ZPBP: variants seen among roughly 807,000 people sequenced by gnomAD.
The protein encoded by ZPBP is zona pellucida-binding protein 1.
A neutral mutation model predicts 44.8 loss-of-function variants in ZPBP; 26 were observed. The ratio of observed to expected loss-of-function variants is 0.58; its 90% CI spans 0.43 to 0.81. ZPBP has a LOEUF of 0.81. ZPBP is among the 30% of genes least tolerant of loss of function. The pLI, the probability that ZPBP is intolerant of heterozygous loss-of-function variation, is 0.00. For synonymous variants in ZPBP, 174 were observed against 153.2 expected (o/e 1.14, Z -1.00); for missense variants, 409 against 434.0 (o/e 0.94, Z 0.51).
At chr7:49,875,367 CTCA>C (rs1258631867) in intron 2 of ZPBP, among the ~76,000 whole-genome samples, 2 of 2,586 alleles carry the variant, frequency 7.7e-4, no homozygotes, top group African/African-American at 2.9e-3. Flanking sequence ...GAGATTCTGA[CTCA>C]AAAAAAAAAA....
intron 7 of ZPBP, among the ~76,000 whole-genome samples, chr7:49,963,346 T>C (rs1795933079): frequency 6.6e-6 from 1 of 151,808 alleles, no homozygotes; most frequent in Non-Finnish European, 1.5e-5. Flanking sequence ...TTTTAACTTA[T>C]ATTTACCATA....
chr7:49,848,561 G>T (rs1790051930), downstream of ZPBP, among the ~76,000 whole-genome samples: 1 of 152,176 alleles, frequency 6.6e-6, no homozygotes, highest in Non-Finnish European at 1.5e-5. Flanking sequence ...TCGTTTCCTG[G>T]TTTATCACCC....
At chr7:50,019,443 C>A (rs1798979062) in intron 5 of ZPBP, among the ~76,000 whole-genome samples, 1 of 152,080 alleles carries the variant, frequency 6.6e-6, no homozygotes, top group East Asian at 1.9e-4. Context: ...CTTGGTAACT[C>A]TTCTACAGTA....
At chr7:49,865,264 T>G (rs1790829826) in intron 2 of ZPBP, among the ~76,000 whole-genome samples, 1 of 151,940 alleles carries the variant, frequency 6.6e-6, no homozygotes, top group African/African-American at 2.4e-5. Flanking sequence ...GATGAAAGAG[T>G]TGATCTCTGA....
At chr7:50,003,870 C>A (rs1398688219) in intron 6 of ZPBP, among the ~76,000 whole-genome samples, 1 of 152,074 alleles carries the variant, frequency 6.6e-6, no homozygotes, top group Non-Finnish European at 1.5e-5. Flanking sequence ...CAGAAACCAA[C>A]CCTAAAAAAC....
intron 6 of ZPBP, among the ~76,000 whole-genome samples, chr7:49,989,593 G>C (rs957113763): frequency 6.6e-6 from 1 of 152,188 alleles, no homozygotes; most frequent in African/African-American, 2.4e-5. Flanking sequence ...TAGAGAGAGA[G>C]AAATTCTGTT....
chr7:49,943,755 G>T, intron 7 of ZPBP: 3 of 241,440 alleles, frequency 1.2e-5, no homozygotes, highest in Non-Finnish European at 2.4e-5. Context: ...GTACCCATTG[G>T]ATCTCTAGCC....
In ZPBP at chr7:49,966,626, G is replaced by GC. The variant is rs547499737; in HGVS notation, c.961+16715dup. On this transcript the variant is annotated intron_variant, in intron 7 of 7. Coordinates refer to ENST00000046087, the MANE Select transcript of ZPBP (RefSeq NM_007009.3). ...AGAAAAAATTAAGTGAAATTATTAA[G>GC]CATTTTGAGTTGAATGAAAATGAAA... Among the ~76,000 whole-genome samples the GC allele has an allele frequency of 1.7e-3, 266 of 152,218 alleles. 3 individuals carry two copies. Among genetic ancestry groups the GC allele is most frequent in the African/African-American group, 6.0e-3 (249 of 41,524 alleles).
At chr7:49,905,568 C>T (rs1156765521) in intron 1 of ZPBP, among the ~76,000 whole-genome samples, 1 of 152,104 alleles carries the variant, frequency 6.6e-6, no homozygotes, top group African/African-American at 2.4e-5. Flanking sequence ...TATTTGTGTG[C>T]ATTGTACTTT....
intron 1 of ZPBP, chr7:49,912,399 C>G (rs996187762): frequency 2.1e-6 from 1 of 480,196 alleles, no homozygotes; most frequent in Non-Finnish European, 3.7e-6. Context: ...TAAAATCCTT[C>G]TCTAAATAAA....
At chr7:50,030,272 G>A (rs148396328) in intron 5 of ZPBP, among the ~76,000 whole-genome samples, 467 of 152,180 alleles carry the variant, frequency 3.1e-3, no homozygotes, top group African/African-American at 0.01. Context: ...GCAAGGGGAG[G>A]GGAGGGCAGA....
intron 2 of ZPBP, among the ~76,000 whole-genome samples, chr7:49,864,440 A>C (rs752703371): frequency 6.6e-6 from 1 of 152,136 alleles, no homozygotes; most frequent in African/African-American, 2.4e-5. Flanking sequence ...GGGCAAGTGC[A>C]TGGTGTTCTA....
chr7:50,093,171 T>G lies in ZPBP; in HGVS notation c.24A>C (p.Pro8=). 1 of 1,538,906 alleles carries G rather than the reference T, an allele frequency of 6.5e-7. No homozygotes were observed. The highest frequency in any genetic ancestry group is 8.7e-7 in the Non-Finnish European group (1 of 1,143,932). The part of the protein sequence containing the change: MEAFALG[P]ARRGRRRTRA... Reference sequence around the variant, plus strand: ...GGGTCCGCCGCCTGCCCCGCCGCGCTGGGCCAAGGGCGAAGGCCTCCATCC... The same window carrying G: ...GGGTCCGCCGCCTGCCCCGCCGCGCGGGGCCAAGGGCGAAGGCCTCCATCC... Residue 8 remains proline (P), a synonymous_variant, in exon 1 of 8, where the codon CCA becomes CCC. Coordinates refer to ENST00000046087, the MANE Select transcript of ZPBP (RefSeq NM_007009.3).
At chr7:49,878,497 G>C (rs1791536676) in intron 2 of ZPBP, among the ~76,000 whole-genome samples, 1 of 151,958 alleles carries the variant, frequency 6.6e-6, no homozygotes, top group South Asian at 2.1e-4. Flanking sequence ...CCTCTGCTTT[G>C]ACTATTTTCT....
intron 6 of ZPBP, among the ~76,000 whole-genome samples, chr7:50,010,255 C>G (rs1433994241): frequency 6.6e-6 from 1 of 151,674 alleles, no homozygotes; most frequent in Admixed American, 6.6e-5. Context: ...TAGTCAAGAC[C>G]ATGTGATATT....
At chr7:50,031,729 A>G (rs1022821794) in intron 4 of ZPBP, among the ~76,000 whole-genome samples, 6 of 152,134 alleles carry the variant, frequency 3.9e-5, no homozygotes, top group African/African-American at 1.4e-4. Context: ...TCTTGGAAGA[A>G]ATTAAAGTCA....
chr7:50,023,321 C>T (rs187823238), intron 5 of ZPBP, among the ~76,000 whole-genome samples: 351 of 152,164 alleles, frequency 2.3e-3, no homozygotes, highest in Non-Finnish European at 2.5e-3. Flanking sequence ...TACATGCATA[C>T]ATTACCACTA....
chr7:49,841,539 T>C, the ZPBP span, among the ~76,000 whole-genome samples: 1 of 152,204 alleles, frequency 6.6e-6, no homozygotes, highest in Non-Finnish European at 1.5e-5. Flanking sequence ...AGCTTAACTG[T>C]TATAGTGCAT....
At chr7:50,008,361 C>A (rs1332114389) in intron 6 of ZPBP, among the ~76,000 whole-genome samples, 1 of 151,930 alleles carries the variant, frequency 6.6e-6, no homozygotes, top group Non-Finnish European at 1.5e-5. Flanking sequence ...GAAAATGTTG[C>A]TGAAAAATAC....
Sources: allele counts gnomAD v4.1 joint callset (sites outside exome capture counted in the v4.1 genomes callset), GRCh38; gene constraint gnomAD v4.1.1; transcripts MANE v1.5; gene names NCBI Gene and HGNC (gene_info 2026-07-23, HGNC 2026-07-21).